Variants in ENTREP1 observed in about 807,000 individuals in gnomAD.
ENTREP1 encodes the protein endosomal transmembrane epsin interactor 1.
the ENTREP1 span, chr9:69,325,500 C>A: frequency 2.8e-5 from 27 of 952,824 alleles, no homozygotes; most frequent in Non-Finnish European, 3.1e-5. Flanking sequence ...ACCGCTGCTG[C>A]CGGGGTGCTG....
At chr9:69,340,653 A>T in the ENTREP1 span, among the ~76,000 whole-genome samples, 14 of 98,740 alleles carry the variant, frequency 1.4e-4, no homozygotes, top group Non-Finnish European at 2.9e-4. Flanking sequence ...GTGTGTGTGC[A>T]TGTGTGTGTG....
At chr9:69,383,809 G>A in the ENTREP1 span, 1 of 1,610,570 alleles carries the variant, frequency 6.2e-7, no homozygotes, top group Non-Finnish European at 8.5e-7. Context: ...AAGTGGGAAA[G>A]ACAGCACCGC....
chr9:69,388,890 A>G, the ENTREP1 span, among the ~76,000 whole-genome samples: 2 of 152,224 alleles, frequency 1.3e-5, no homozygotes, highest in African/African-American at 4.8e-5. Flanking sequence ...TTCCCATGAA[A>G]TGTTTGGCAA....
At chr9:69,383,311 C>G in the ENTREP1 span, 2 of 896,176 alleles carry the variant, frequency 2.2e-6, no homozygotes, top group African/African-American at 3.5e-5. Flanking sequence ...ATCAAACAGT[C>G]ACTCCCCATT....
chr9:69,378,889 T>A, the ENTREP1 span, among the ~76,000 whole-genome samples: 1 of 152,178 alleles, frequency 6.6e-6, no homozygotes, highest in African/African-American at 2.4e-5. Flanking sequence ...ACAGTCTAGG[T>A]CATTAAAATG....
the ENTREP1 span, among the ~76,000 whole-genome samples, chr9:69,339,008 G>A: frequency 5.9e-5 from 9 of 152,036 alleles, no homozygotes; most frequent in Admixed American, 1.3e-4. Context: ...TGAGAAATCC[G>A]CAGTTCATAT....
the ENTREP1 span, chr9:69,388,013 T>C: frequency 6.4e-7 from 1 of 1,559,094 alleles, no homozygotes; most frequent in African/African-American, 1.4e-5. Context: ...TCCCTCCTTC[T>C]GCAAGATGAA....
chr9:69,391,601 A>T, the ENTREP1 span: 2 of 1,614,014 alleles, frequency 1.2e-6, no homozygotes, highest in Non-Finnish European at 1.7e-6. Context: ...TTTCCCAAAG[A>T]TAATGGCCCC....
At chr9:69,353,361 A>T in the ENTREP1 span, among the ~76,000 whole-genome samples, 2 of 152,214 alleles carry the variant, frequency 1.3e-5, no homozygotes, top group Non-Finnish European at 2.9e-5. Context: ...ATTAACTCTG[A>T]TGTGCCCTTC....
the ENTREP1 span, among the ~76,000 whole-genome samples, chr9:69,358,902 CTTTTTTTTTTT>C: frequency 6.2e-5 from 6 of 96,334 alleles, no homozygotes; most frequent in East Asian, 1.6e-3. Context: ...CTTTTTCTTT[CTTTTTTTTTTT>C]TTTTTTTTGA....
the ENTREP1 span, among the ~76,000 whole-genome samples, chr9:69,378,042 T>C: frequency 5.3e-5 from 8 of 152,310 alleles, 2 homozygotes; most frequent in Middle Eastern, 0.017. Flanking sequence ...TGTCTTACTT[T>C]CTCTTTTTGT....
chr9:69,376,174 A>G, the ENTREP1 span, among the ~76,000 whole-genome samples: 3 of 152,200 alleles, frequency 2.0e-5, no homozygotes, highest in Admixed American at 1.3e-4. Flanking sequence ...ACATATGCAT[A>G]CGTACATATG....
At chr9:69,389,644 T>G in the ENTREP1 span, among the ~76,000 whole-genome samples, 1 of 152,196 alleles carries the variant, frequency 6.6e-6, no homozygotes, top group African/African-American at 2.4e-5. Flanking sequence ...TCACCTTCCC[T>G]CTGTCCGGCC....
chr9:69,352,178 A>G, the ENTREP1 span, among the ~76,000 whole-genome samples: 133,211 of 152,100 alleles, frequency 0.88, 58,623 homozygotes, highest in African/African-American at 0.96. Context: ...GTGCAGTGGC[A>G]CCATCTCAGC....
the ENTREP1 span, among the ~76,000 whole-genome samples, chr9:69,340,808 T>TGTGC: frequency 2.9e-5 from 2 of 68,204 alleles, no homozygotes; most frequent in African/African-American, 1.0e-4. Context: ...TGCATGTGTG[T>TGTGC]GTGTATGTGT....
chr9:69,359,299 C>T, the ENTREP1 span, among the ~76,000 whole-genome samples: 1 of 152,162 alleles, frequency 6.6e-6, no homozygotes, highest in Admixed American at 6.6e-5. Flanking sequence ...TACCCACATC[C>T]ACCAATGAGC....
At chr9:69,328,476 T>C in the ENTREP1 span, among the ~76,000 whole-genome samples, 1 of 152,182 alleles carries the variant, frequency 6.6e-6, no homozygotes, top group Non-Finnish European at 1.5e-5. Context: ...CTTCACCCAG[T>C]AGCTATCAAC....
At chr9:69,358,853 AT>A in the ENTREP1 span, among the ~76,000 whole-genome samples, 1 of 150,966 alleles carries the variant, frequency 6.6e-6, no homozygotes, top group African/African-American at 2.4e-5. Context: ...TTAAGGAAAA[AT>A]TTTTTAAAGC....
the ENTREP1 span, among the ~76,000 whole-genome samples, chr9:69,367,142 A>T: frequency 6.9e-6 from 1 of 145,940 alleles, no homozygotes; most frequent in African/African-American, 2.6e-5. Flanking sequence ...TATGTTGCCA[A>T]GACTATCTTG....
Sources: gnomAD v4.1 joint callset for allele counts (sites outside exome capture counted in the v4.1 genomes callset) on GRCh38, gnomAD v4.1.1 for gene constraint, MANE v1.5 for transcripts, NCBI Gene and HGNC (gene_info 2026-07-23, HGNC 2026-07-21) for gene names.